Variants in BLOC1S6 observed in about 807,000 individuals in gnomAD.
The protein encoded by BLOC1S6 is biogenesis of lysosomal organelles complex 1 subunit 6.
BLOC1S6 carries 24 observed loss-of-function variants against 24.7 expected under a neutral mutation model. That is an observed-to-expected ratio of 0.97 (90% CI 0.70 to 1.37). The LOEUF is 1.37. Among genes scored for constraint, BLOC1S6 ranks in the 40% most tolerant of loss-of-function variants. The pLI, the probability that BLOC1S6 is intolerant of heterozygous loss-of-function variation, is 0.00. For missense variants in BLOC1S6, 175 were observed against 196.2 expected, an observed-to-expected ratio of 0.89 and a Z score of 0.64; for synonymous variants, 76 against 72.6, an observed-to-expected ratio of 1.05 and a Z score of -0.23.
rs1215337541 is a variant in BLOC1S6, at chr15:45,606,297, A to G, written c.400-98A>G. On this transcript the variant is annotated intron_variant, in intron 4 of 4. Transcript: ENST00000220531. ...TCCAAGATGAAGTTTATTAGTGTGA[A>G]TGAATTACCTCAAAGCAGAGCACTG... 1.0e-5 allele frequency: 15 copies of G among 1,495,820 alleles called. No homozygotes were observed. The East Asian group carries it at 2.9e-4, about 29-fold the overall frequency. 92.7% of individuals were successfully genotyped at this position (1,495,820 alleles called of 1,614,324 possible). A position where few individuals can be genotyped will look rare whatever the true frequency, so the allele number is the denominator to read the frequency against.
chr15:45,604,818 C>T (rs536046183), intron 3 of BLOC1S6, among the ~76,000 whole-genome samples: 26 of 152,294 alleles, frequency 1.7e-4, no homozygotes, highest in Non-Finnish European at 3.7e-4. Context: ...CCCATCTTCT[C>T]CTGACATAAG....
intron 2 of BLOC1S6, among the ~76,000 whole-genome samples, chr15:45,592,573 G>A (rs1346420427): frequency 6.6e-6 from 1 of 152,096 alleles, no homozygotes; most frequent in Non-Finnish European, 1.5e-5. Context: ...TGCCTATTGG[G>A]GATTGTTCAG....
chr15:45,587,430 C>T lies in BLOC1S6; in HGVS notation c.-14C>T. On this transcript the variant is annotated 5_prime_UTR_variant, in exon 1 of 5. Transcript: ENST00000220531. ...ACACGTTTGCTTCTTCCCTGTGTTC[C>T]CAGCTGGAGGGACATGAGTGTCCCT... is the stretch of plus-strand genomic sequence containing the variant. 1.3e-6 allele frequency: 2 copies of T among 1,569,128 alleles called. No individual in the cohort carries two copies. Among genetic ancestry groups the T allele is most frequent in the Middle Eastern group, 1.7e-4 (1 of 6,004 alleles).
At chr15:45,591,877 C>T (rs753579281) in intron 1 of BLOC1S6, 10 of 449,732 alleles carry the variant, frequency 2.2e-5, no homozygotes, top group Non-Finnish European at 3.2e-5. Context: ...AAGAAGGATA[C>T]CTGTGGTTGG....
At chr15:45,592,342 G>T (rs186311483) in intron 2 of BLOC1S6, 66 bp downstream of exon 2, 2 of 1,561,922 alleles carry the variant, frequency 1.3e-6, no homozygotes, top group South Asian at 2.2e-5. Context: ...TTGTATAATT[G>T]TATACTGTGT....
At position 45,592,223 on chromosome 15, in the gene BLOC1S6, T is replaced by C. The variant is rs1185952546; in HGVS notation, c.171T>C (p.Leu57=). Residue 57 remains leucine, a synonymous_variant, in exon 2 of 5, where the codon CTT becomes CTC. Coordinates refer to ENST00000220531, the MANE Select transcript of BLOC1S6 (RefSeq NM_012388.4). ...KAVEQLAEGL[L]SHYLPDLQRS... is the part of the protein sequence containing the mutation. ...TGGAGCAACTGGCAGAAGGATTGCT[T>C]TCTCATTATTTGCCAGATCTGCAGA... is the stretch of plus-strand genomic sequence containing the variant. The C allele has an allele frequency of 7.4e-6, 12 of 1,614,018 alleles. No individual in the cohort carries two copies. Among genetic ancestry groups the C allele is most frequent in the Non-Finnish European group, 9.3e-6 (11 of 1,180,036 alleles).
chr15:45,595,418 A>G (rs559189411), intron 2 of BLOC1S6, among the ~76,000 whole-genome samples: 7 of 152,182 alleles, frequency 4.6e-5, no homozygotes, highest in Non-Finnish European at 8.8e-5. Flanking sequence ...CAAAGATCAG[A>G]CAAATTCTTT....
intron 1 of BLOC1S6, among the ~76,000 whole-genome samples, chr15:45,590,129 C>T (rs1418874704): frequency 6.6e-6 from 1 of 152,044 alleles, no homozygotes; most frequent in East Asian, 1.9e-4. Context: ...AATTTATTCA[C>T]TTCCTATACA....
rs1894476824 is a variant in BLOC1S6 at position 45,606,634 on chromosome 15, G to A, written c.*120G>A. On this transcript the variant is annotated 3_prime_UTR_variant, in exon 5 of 5. Transcript: ENST00000220531. ...TGTCATATGTTGAAATCCTTATTCCGGTATTACTGTGTCTCCATGCCTTTT... is the reference window on the plus strand; with the variant it reads ...TGTCATATGTTGAAATCCTTATTCCAGTATTACTGTGTCTCCATGCCTTTT... The A allele has an allele frequency of 4.3e-6, 6 of 1,400,208 alleles. No individual in the cohort carries two copies. Among genetic ancestry groups the A allele is most frequent in the East Asian group, 4.6e-5 (2 of 43,386 alleles). 86.7% of individuals were successfully genotyped at this position (1,400,208 alleles called of 1,614,324 possible).
intron 2 of BLOC1S6, among the ~76,000 whole-genome samples, 160 bp downstream of exon 2, chr15:45,592,436 T>C (rs1273365772): frequency 6.6e-6 from 1 of 152,224 alleles, no homozygotes; most frequent in African/African-American, 2.4e-5. Flanking sequence ...GAGGAGTACA[T>C]AGTATTCTAA....
chr15:45,605,567 T>G (rs1894421985), intron 4 of BLOC1S6, 53 bp downstream of exon 4: 3 of 1,370,942 alleles, frequency 2.2e-6, no homozygotes, highest in African/African-American at 3.1e-5. Flanking sequence ...TTAATTGTTT[T>G]TTGTTGTTTT....
At chr15:45,598,269 G>C (rs1894149878) in intron 2 of BLOC1S6, 1 of 144,972 alleles carries the variant, frequency 6.9e-6, no homozygotes, top group Admixed American at 7.0e-5. Context: ...TTGAAAACTG[G>C]CACAAGACAG....
chr15:45,592,469 TC>T (rs1427855500), intron 2 of BLOC1S6, among the ~76,000 whole-genome samples, 193 bp downstream of exon 2: 1 of 152,300 alleles, frequency 6.6e-6, no homozygotes, highest in Non-Finnish European at 1.5e-5. Flanking sequence ...AAATGAATAC[TC>T]CTAGGGTGTT....
At chr15:45,595,959 C>G (rs1219335232) in intron 2 of BLOC1S6, among the ~76,000 whole-genome samples, 1 of 152,134 alleles carries the variant, frequency 6.6e-6, no homozygotes, top group Non-Finnish European at 1.5e-5. Flanking sequence ...AGGCATGCAC[C>G]ACCACGCCTG....
At position 45,599,991 on chromosome 15, in the gene BLOC1S6, C is replaced by G. The variant is rs921400126; in HGVS notation, c.225-3109C>G. Among the ~76,000 whole-genome samples, 7 of 150,834 alleles carry G rather than the reference C, an allele frequency of 4.6e-5. No homozygotes were observed. In the South Asian group the frequency reaches 8.4e-4, roughly 18 times the overall value. On this transcript the variant is annotated intron_variant, in intron 2 of 4. Transcript: ENST00000220531. ...TATGGCACATATACACCATGGAATACTATGCAGCCATAAAAAATGATGAGT... is the reference window on the plus strand; with the variant it reads ...TATGGCACATATACACCATGGAATAGTATGCAGCCATAAAAAATGATGAGT...
intron 1 of BLOC1S6, 163 bp downstream of exon 1, chr15:45,587,688 C>T (rs1197585660): frequency 4.0e-6 from 3 of 752,330 alleles, no homozygotes; most frequent in Admixed American, 2.0e-5. Context: ...GCCGGCCCCT[C>T]TGCCCAGCGC....
chr15:45,591,250 G>A (rs1055945520), intron 1 of BLOC1S6, among the ~76,000 whole-genome samples: 2 of 151,816 alleles, frequency 1.3e-5, no homozygotes, highest in African/African-American at 2.4e-5. Flanking sequence ...ATAACATATC[G>A]AACTATATCA....
chr15:45,606,456 G>A lies in BLOC1S6; in HGVS notation c.461G>A (p.Arg154Gln), dbSNP rs145937442. Residue 154 changes from arginine (R) to glutamine (Q), a missense_variant, in exon 5 of 5, where the codon CGA becomes CAA. Physicochemically the swap from Arg to Gln is conservative, Grantham distance 43 (BLOSUM62 1). Coordinates refer to ENST00000220531, the MANE Select transcript of BLOC1S6 (RefSeq NM_012388.4). The stretch of plus-strand genomic sequence containing the variant: ...GAAGAGTTGGAAAGGGAGCAGCAAC[G>A]AGAGAAGGAGTTTGAAAGAGAAAAG... ...QKEELEREQQ[R>Q]EKEFEREKQL... 7.4e-5 allele frequency: 120 copies of A among 1,614,138 alleles called. No individual in the cohort carries two copies. In the African/African-American group the frequency reaches 1.2e-3, roughly 16 times the overall value.
intron 3 of BLOC1S6, among the ~76,000 whole-genome samples, chr15:45,603,966 A>G (rs551833116): frequency 2.0e-5 from 3 of 152,342 alleles, no homozygotes; most frequent in East Asian, 1.9e-4. Flanking sequence ...CAGAAGTTCT[A>G]TAGCTTTTTG....
Sources: allele counts gnomAD v4.1 joint callset (sites outside exome capture counted in the v4.1 genomes callset), GRCh38; gene constraint gnomAD v4.1.1; transcripts MANE v1.5; gene names NCBI Gene and HGNC (gene_info 2026-07-23, HGNC 2026-07-21).